The following RBFOX1 variants were observed in gnomAD, a reference collection of about 807,000 sequenced individuals.
RBFOX1 encodes the protein RNA binding fox-1 homolog 1.
A neutral mutation model predicts 57.7 loss-of-function variants in RBFOX1; 8 were observed. The observed-to-expected ratio is 0.14, with a 90% CI of 0.08 to 0.25. RBFOX1 has a LOEUF of 0.25. Among genes scored for constraint, RBFOX1 ranks in the 10% least tolerant of loss-of-function variants. The pLI is 1.00. For missense variants in RBFOX1, 611 were observed against 548.5 expected, an observed-to-expected ratio of 1.11 and a Z score of -1.14; for synonymous variants, 326 against 222.4, an observed-to-expected ratio of 1.47 and a Z score of -4.15.
At chr16:7,612,536 T>C (rs2057713669) in intron 10 of RBFOX1, among the ~76,000 whole-genome samples, 1 of 151,752 alleles carries the variant, frequency 6.6e-6, no homozygotes, top group Non-Finnish European at 1.5e-5. Context: ...TCCAAGAATG[T>C]GGAGGAATAG....
At chr16:7,010,819 C>T (rs992649507) in intron 3 of RBFOX1, among the ~76,000 whole-genome samples, 1 of 152,054 alleles carries the variant, frequency 6.6e-6, no homozygotes, top group African/African-American at 2.4e-5. Flanking sequence ...CCCATCTCTG[C>T]CTCTGCCTCC....
At chr16:6,198,696 T>C (rs1390678943) in intron 1 of RBFOX1, among the ~76,000 whole-genome samples, 1 of 152,078 alleles carries the variant, frequency 6.6e-6, no homozygotes, top group Non-Finnish European at 1.5e-5. Context: ...TTGAGTCGAG[T>C]TAGAAGTGGG....
intron 3 of RBFOX1, among the ~76,000 whole-genome samples, chr16:6,726,220 TA>T (rs1360985076): frequency 6.6e-6 from 1 of 152,154 alleles, no homozygotes; most frequent in Non-Finnish European, 1.5e-5. Context: ...AGAATACCAC[TA>T]ATTCCTACCC....
At chr16:5,747,327 A>T (rs1319588565) in intron 3 of RBFOX1, among the ~76,000 whole-genome samples, 6 of 152,094 alleles carry the variant, frequency 3.9e-5, no homozygotes, top group South Asian at 2.1e-4. Flanking sequence ...TTCATCAGGG[A>T]TATTGGTCTG....
intron 2 of RBFOX1, among the ~76,000 whole-genome samples, chr16:6,552,460 G>A (rs2097009950): frequency 6.6e-6 from 1 of 152,174 alleles, no homozygotes. Context: ...TGTGTTTGTA[G>A]TGAAGATTGA....
At chr16:7,546,427 GA>G (rs1432670735) in intron 5 of RBFOX1, among the ~76,000 whole-genome samples, 1 of 152,136 alleles carries the variant, frequency 6.6e-6, no homozygotes, top group Non-Finnish European at 1.5e-5. Flanking sequence ...TGCAGATCAA[GA>G]AACTAATACA....
intron 3 of RBFOX1, among the ~76,000 whole-genome samples, chr16:6,734,921 C>T (rs1410403782): frequency 1.3e-5 from 2 of 152,160 alleles, no homozygotes; most frequent in African/African-American, 4.8e-5. Flanking sequence ...TGTTGCCTCG[C>T]TTGAGCCCAG....
At chr16:7,160,796 G>A (rs578039011) in intron 4 of RBFOX1, among the ~76,000 whole-genome samples, 6 of 118,080 alleles carry the variant, frequency 5.1e-5, no homozygotes, top group East Asian at 2.4e-4. Flanking sequence ...TCCCTCCTCC[G>A]TCTCCCCCTT....
intron 5 of RBFOX1, among the ~76,000 whole-genome samples, chr16:7,524,969 A>C (rs1473728200): frequency 1.3e-5 from 2 of 152,190 alleles, no homozygotes; most frequent in Non-Finnish European, 1.5e-5. Context: ...AGACATTGGA[A>C]AAGGATATAA....
intron 2 of RBFOX1, among the ~76,000 whole-genome samples, chr16:6,368,834 C>A (rs1347210016): frequency 6.6e-6 from 1 of 152,030 alleles, no homozygotes; most frequent in African/African-American, 2.4e-5. Context: ...AAAAGAAAAA[C>A]CCAGAAGCAA....
chr16:6,566,560 C>T (rs147652253), intron 2 of RBFOX1, among the ~76,000 whole-genome samples: 11 of 152,150 alleles, frequency 7.2e-5, no homozygotes, highest in Non-Finnish European at 7.4e-5. Flanking sequence ...GACTATTTGT[C>T]GAGACCTTTG....
chr16:5,248,987 CAAAAAAAAAA>C (rs56146545), intron 1 of RBFOX1, among the ~76,000 whole-genome samples: 51 of 63,344 alleles, frequency 8.1e-4, no homozygotes, highest in African/African-American at 3.0e-3. Flanking sequence ...GACTCCATCT[CAAAAAAAAAA>C]AAAAAAAAAA....
intron 1 of RBFOX1, among the ~76,000 whole-genome samples, chr16:6,217,853 A>T (rs2097346032): frequency 6.6e-6 from 1 of 152,164 alleles, no homozygotes; most frequent in East Asian, 1.9e-4. Flanking sequence ...TGTATCTAGT[A>T]AAACTACAAA....
In RBFOX1 at chr16:7,527,583, C is replaced by G. The variant is rs571702471; in HGVS notation, c.270+9194C>G. Among the ~76,000 whole-genome samples, 50 of 152,258 alleles carry G rather than the reference C, an allele frequency of 3.3e-4. No individual in the cohort carries two copies. In the Middle Eastern group the frequency reaches 0.01, roughly 31 times the overall value. ...ATTATCGGGAGAAGCAGAGTAGAAT[C>G]TAGGTACAGAGCTTGACATTTTCAT... On this transcript the variant is annotated intron_variant, in intron 5 of 15. Coordinates refer to ENST00000550418, the MANE Select transcript of RBFOX1 (RefSeq NM_018723.4).
intron 2 of RBFOX1, among the ~76,000 whole-genome samples, chr16:6,557,182 T>C (rs901826020): frequency 1.1e-4 from 17 of 148,086 alleles, no homozygotes; most frequent in African/African-American, 4.0e-4. Context: ...TATATACATA[T>C]ATATAATAAA....
At chr16:7,062,225 A>G (rs941862452) in intron 4 of RBFOX1, among the ~76,000 whole-genome samples, 1 of 148,316 alleles carries the variant, frequency 6.7e-6, no homozygotes, top group Non-Finnish European at 1.5e-5. Context: ...AGGCTGAGGC[A>G]GGAGAATGCC....
intron 3 of RBFOX1, among the ~76,000 whole-genome samples, chr16:6,883,821 A>G (rs1026925565): frequency 1.3e-5 from 2 of 151,010 alleles, no homozygotes; most frequent in African/African-American, 2.4e-5. Context: ...CTCTATTATT[A>G]TCTCTTTTTT....
At chr16:6,332,146 G>T (rs1188151757) in intron 2 of RBFOX1, among the ~76,000 whole-genome samples, 1 of 152,194 alleles carries the variant, frequency 6.6e-6, no homozygotes, top group Non-Finnish European at 1.5e-5. Flanking sequence ...ATGCCTGGGA[G>T]AAGGGGTGGC....
Position 7,590,436 on chromosome 16 carries a change from T to C in RBFOX1, c.468+3136T>C, listed in dbSNP as rs947368158. ...ATGTCAGAGAGAAAATGAGAATTCG[T>C]AAGCATTTAGGGGCGAATGATCCTG... is the stretch of plus-strand genomic sequence containing the variant. On this transcript the variant is annotated intron_variant, in intron 7 of 15. Coordinates refer to ENST00000550418, the MANE Select transcript of RBFOX1 (RefSeq NM_018723.4). 9.9e-5 allele frequency among the ~76,000 whole-genome samples: 15 copies of C among 152,188 alleles called. No homozygotes were observed. In the South Asian group the frequency reaches 2.7e-3, roughly 27 times the overall value.
Sources: allele counts gnomAD v4.1 joint callset (sites outside exome capture counted in the v4.1 genomes callset), GRCh38; gene constraint gnomAD v4.1.1; transcripts MANE v1.5; gene names NCBI Gene and HGNC (gene_info 2026-07-23, HGNC 2026-07-21).